Variants in ZEB2 observed in about 807,000 individuals in gnomAD.
ZEB2 encodes the protein zinc finger E-box binding homeobox 2.
In ZEB2, 6 loss-of-function variants were observed where a neutral mutation model predicts 99.9. The observed-to-expected ratio is 0.06, with a 90% CI of 0.03 to 0.12. ZEB2 has a LOEUF of 0.12. ZEB2 is among the 10% of genes least tolerant of loss of function. The pLI is 1.00. For synonymous variants in ZEB2, 517 were observed against 542.5 expected, an observed-to-expected ratio of 0.95 and a Z score of 0.65; for missense variants, 969 against 1,502.8, an observed-to-expected ratio of 0.64 and a Z score of 5.87.
At chr2:144,483,148 A>ACACACATGCG (rs1553968379) in intron 2 of ZEB2, among the ~76,000 whole-genome samples, 2 of 144,006 alleles carry the variant, frequency 1.4e-5, no homozygotes, top group East Asian at 4.4e-4. Flanking sequence ...ACACACACAC[A>ACACACATGCG]CACACACACA....
At chr2:144,483,146 A>G (rs1418774001) in intron 2 of ZEB2, among the ~76,000 whole-genome samples, 2 of 146,278 alleles carry the variant, frequency 1.4e-5, no homozygotes, top group Non-Finnish European at 1.5e-5. Flanking sequence ...ACACACACAC[A>G]CACACACACA....
intron 2 of ZEB2, among the ~76,000 whole-genome samples, chr2:144,440,313 C>A (rs1185681263): frequency 7.2e-5 from 11 of 151,964 alleles, no homozygotes; most frequent in Admixed American, 7.2e-4. Context: ...TACAATTGAT[C>A]ATTTTATTGA....
At chr2:144,454,211 T>C (rs1234976100) in intron 2 of ZEB2, among the ~76,000 whole-genome samples, 1 of 152,228 alleles carries the variant, frequency 6.6e-6, no homozygotes, top group Non-Finnish European at 1.5e-5. Context: ...ATTTGGGAAA[T>C]ACAGTTTATT....
At chr2:144,421,692 T>A in intron 4 of ZEB2, among the ~76,000 whole-genome samples, 1 of 151,858 alleles carries the variant, frequency 6.6e-6, no homozygotes, top group South Asian at 2.1e-4. Flanking sequence ...TCTTTGTTGA[T>A]TTTCCTCCCC....
chr2:144,411,959 C>T (rs756236037), intron 4 of ZEB2, among the ~76,000 whole-genome samples: 1 of 152,196 alleles, frequency 6.6e-6, no homozygotes, highest in Non-Finnish European at 1.5e-5. Context: ...ATGATAGAGT[C>T]CATTACTTTT....
At chr2:144,411,682 A>T (rs184611494) in intron 4 of ZEB2, among the ~76,000 whole-genome samples, 2 of 152,214 alleles carry the variant, frequency 1.3e-5, no homozygotes, top group African/African-American at 2.4e-5. Context: ...CCTGGGAATT[A>T]GTACAGCATC....
chr2:144,519,753 G>T (rs201839133), intron 1 of ZEB2, 186 bp downstream of exon 1: 3 of 347,492 alleles, frequency 8.6e-6, no homozygotes, highest in East Asian at 7.6e-5. Flanking sequence ...AGAAAGCGAA[G>T]AAGCCACTCT....
rs371509136 is a variant in ZEB2 at position 144,398,317 on chromosome 2, C to T, written c.2870G>A (p.Arg957Gln). The part of the protein sequence containing the change: ...ADMQQRRKYQ[R>Q]KQGFQGELLD... ...TCTCTTTACCTGAAATCCTTGTTTCCGCTGGTACTTTCTCCTTTGCTGCAT... is the reference window on the plus strand; with the variant it reads ...TCTCTTTACCTGAAATCCTTGTTTCTGCTGGTACTTTCTCCTTTGCTGCAT... Residue 957 changes from arginine to glutamine, a missense_variant, in exon 8 of 10, where the codon CGG (arginine) becomes CAG (glutamine). This residue lies in a region of ZEB2 where 346 missense variants were observed against 460.0 expected (regional missense o/e 0.75). Coordinates refer to ENST00000627532, the MANE Select transcript of ZEB2 (RefSeq NM_014795.4). 22 of 1,613,632 alleles carry T rather than the reference C, an allele frequency of 1.4e-5. No homozygotes were observed. The highest frequency in any genetic ancestry group is 5.3e-5 in the African/African-American group (4 of 74,950).
Position 144,396,338 on chromosome 2 carries a change from A to G in ZEB2, c.3067+74T>C, listed in dbSNP as rs1261022839. ...CATATGTTACATCTTATGTTGCACA[A>G]GTGTGCTCATTAAATATTATGAAAT... On this transcript the variant is annotated intron_variant, in intron 9 of 9. Transcript: ENST00000627532. 4.5e-6 allele frequency: 7 copies of G among 1,550,620 alleles called. No individual in the cohort carries two copies. The African/African-American group carries it at 6.8e-5, about 15-fold the overall frequency.
At chr2:144,444,227 G>A (rs968849996) in intron 2 of ZEB2, among the ~76,000 whole-genome samples, 6 of 152,168 alleles carry the variant, frequency 3.9e-5, no homozygotes, top group African/African-American at 1.2e-4. Flanking sequence ...GTCCTTTTTC[G>A]AAAGCTGAAG....
At chr2:144,437,309 A>G (rs747973800) in intron 2 of ZEB2, among the ~76,000 whole-genome samples, 3 of 152,028 alleles carry the variant, frequency 2.0e-5, no homozygotes, top group Non-Finnish European at 2.9e-5. Context: ...AAGACCCCCA[A>G]AACAACTGCT....
At chr2:144,517,806 T>C in intron 1 of ZEB2, 1 of 637,750 alleles carries the variant, frequency 1.6e-6, no homozygotes, top group East Asian at 2.8e-5. Flanking sequence ...CGAGGTTTTC[T>C]TTTCGTTCTC....
chr2:144,451,627 C>G (rs1178776922), intron 2 of ZEB2, among the ~76,000 whole-genome samples: 3 of 152,194 alleles, frequency 2.0e-5, no homozygotes, highest in African/African-American at 4.8e-5. Flanking sequence ...ACTTCCCCTT[C>G]TGTGGTTCAT....
At chr2:144,502,223 G>A (rs543690355) in intron 2 of ZEB2, among the ~76,000 whole-genome samples, 2 of 152,172 alleles carry the variant, frequency 1.3e-5, no homozygotes, top group South Asian at 2.1e-4. Context: ...CACCTAACTC[G>A]TAACAGCTCT....
At position 144,442,813 on chromosome 2, in the gene ZEB2, A is replaced by C. The variant is rs561355064; in HGVS notation, c.74-12787T>G. On this transcript the variant is annotated intron_variant, in intron 2 of 9. Coordinates refer to ENST00000627532, the MANE Select transcript of ZEB2 (RefSeq NM_014795.4). ...AACTTACAACACTGATATCAGTTTAAGTTTTTTTAAAAAATCTGCACTCGC... is the reference window on the plus strand; with the variant it reads ...AACTTACAACACTGATATCAGTTTACGTTTTTTTAAAAAATCTGCACTCGC... 9.0e-4 allele frequency among the ~76,000 whole-genome samples: 137 copies of C among 152,264 alleles called. 1 individual carries two copies. The highest frequency in any genetic ancestry group is 3.3e-3 in the African/African-American group (137 of 41,574).
At position 144,429,773 on chromosome 2, in the gene ZEB2, A is replaced by G; in HGVS notation, c.327T>C (p.Gly109=). 6.2e-7 allele frequency: 1 copy of G among 1,613,808 alleles called. No homozygotes were observed. The highest frequency in any genetic ancestry group is 8.5e-7 in the Non-Finnish European group (1 of 1,179,776). The change falls in exon 3 of 10, where the codon GGT becomes GGC. Residue 109 remains glycine, a synonymous_variant. Transcript: ENST00000627532. ...NNEILQASVD[G]PEEMKEDYDT... ...CAAGTGATTTTAGACACTTACCTGG[A>G]CCATCTACAGAGGCTTGTAGAATCT...
Position 144,384,804 on chromosome 2 carries a change from T to C in ZEB2, c.*4647A>G, listed in dbSNP as rs1248696581. ...ACTGTGCACAGTTTAACAATTTAAT[T>C]GAAAAAACCAAAGCTAAGCCTTCAG... is the stretch of plus-strand genomic sequence containing the variant. On this transcript the variant is annotated 3_prime_UTR_variant, in exon 10 of 10. Transcript: ENST00000627532. 6.6e-6 allele frequency: 1 copy of C among 152,164 alleles called. No individual in the cohort carries two copies. Among genetic ancestry groups the C allele is most frequent in the Non-Finnish European group, 1.5e-5 (1 of 68,012 alleles). The allele number at this position is 152,164 out of a possible 1,614,324, so 9.4% of individuals were successfully genotyped here. A position where few individuals can be genotyped will look rare whatever the true frequency, so the allele number is the denominator to read the frequency against.
chr2:144,491,825 T>C (rs1020820716), intron 2 of ZEB2, among the ~76,000 whole-genome samples: 1 of 152,260 alleles, frequency 6.6e-6, no homozygotes. Flanking sequence ...TCATTAGAAT[T>C]TGAAGCTATA....
At chr2:144,515,757 ACACACACACG>A (rs1220190226) in intron 2 of ZEB2, among the ~76,000 whole-genome samples, 3 of 150,298 alleles carry the variant, frequency 2.0e-5, no homozygotes, top group Non-Finnish European at 4.4e-5. Context: ...CAAGCAAAAG[ACACACACACG>A]CACACACACG....
Sources: gnomAD v4.1 joint callset for allele counts (sites outside exome capture counted in the v4.1 genomes callset) on GRCh38, gnomAD v4.1.1 for gene constraint, gnomAD v4.1.1 regional missense constraint, MANE v1.5 for transcripts, NCBI Gene and HGNC (gene_info 2026-07-23, HGNC 2026-07-21) for gene names.